GEMIN2: variants seen among roughly 807,000 people sequenced by gnomAD.
The protein encoded by GEMIN2 is gem nuclear organelle associated protein 2, also known as gem-associated protein 2.
In GEMIN2, 37 loss-of-function variants were observed where a neutral mutation model predicts 45.8. The observed-to-expected ratio is 0.81, with a 90% CI of 0.62 to 1.06. The LOEUF is 1.06. GEMIN2 is among the 50% of genes least tolerant of loss of function. The pLI, the probability that GEMIN2 is intolerant of heterozygous loss-of-function variation, is 0.00. For synonymous variants in GEMIN2, 101 were observed against 111.5 expected (o/e 0.91, Z 0.60); for missense variants, 335 against 321.8 (o/e 1.04, Z -0.31).
At chr14:39,118,952 T>G (rs2052545547) in intron 4 of GEMIN2, among the ~76,000 whole-genome samples, 1 of 151,944 alleles carries the variant, frequency 6.6e-6, no homozygotes, top group Admixed American at 6.6e-5. Context: ...TTGTTAAAAT[T>G]TTTTGTAGAG....
intron 6 of GEMIN2, among the ~76,000 whole-genome samples, chr14:39,127,735 G>T (rs879657463): frequency 6.6e-6 from 1 of 152,034 alleles, no homozygotes; most frequent in Non-Finnish European, 1.5e-5. Context: ...TTAAACCAAG[G>T]TGTTAGTTGA....
At chr14:39,129,348 A>G (rs1457043688) in intron 7 of GEMIN2, among the ~76,000 whole-genome samples, 3 of 152,164 alleles carry the variant, frequency 2.0e-5, no homozygotes, top group African/African-American at 4.8e-5. Flanking sequence ...TTCTCAGAAT[A>G]TATCTCCCTT....
rs35142656 is a variant in GEMIN2 at position 39,115,456 on chromosome 14, C to CTTTTTTTT, written c.222+555_222+562dup. ...AGAATAGAAACCCAGATGTCTTACACTTTTTTTTTTTTTTTTTTTGAGACA... is the reference window on the plus strand; with the variant it reads ...AGAATAGAAACCCAGATGTCTTACACTTTTTTTTTTTTTTTTTTTTTTTTTTTGAGACA... On this transcript the variant is annotated intron_variant, in intron 2 of 9. Transcript: ENST00000308317. 1.6e-5 allele frequency among the ~76,000 whole-genome samples: 2 copies of CTTTTTTTT among 123,840 alleles called. 1 individual carries two copies. Among genetic ancestry groups the CTTTTTTTT allele is most frequent in the Non-Finnish European group, 3.2e-5 (2 of 62,346 alleles). 81.2% of individuals were successfully genotyped at this position (123,840 alleles called of 152,430 possible). A position where few individuals can be genotyped will look rare whatever the true frequency, so the allele number is the denominator to read the frequency against.
intron 2 of GEMIN2, among the ~76,000 whole-genome samples, 160 bp downstream of exon 2, chr14:39,115,073 G>C (rs1048660146): frequency 6.6e-6 from 1 of 152,194 alleles, no homozygotes; most frequent in African/African-American, 2.4e-5. Flanking sequence ...AAGACAATTG[G>C]CATTTACTGC....
chr14:39,126,990 C>T (rs1424914778), intron 6 of GEMIN2, among the ~76,000 whole-genome samples: 1 of 151,934 alleles, frequency 6.6e-6, no homozygotes, highest in Non-Finnish European at 1.5e-5. Flanking sequence ...GTCTTTGTCT[C>T]CCGACCTTGT....
At chr14:39,121,877 T>TG (rs200666636) in intron 4 of GEMIN2, 30,561 of 164,286 alleles carry the variant, frequency 0.19, 3,599 homozygotes, top group Middle Eastern at 0.32. Context: ...CACATCCGGC[T>TG]AATTTTTTTT....
At chr14:39,123,035 A>G (rs545692261) in intron 5 of GEMIN2, among the ~76,000 whole-genome samples, 5 of 152,114 alleles carry the variant, frequency 3.3e-5, no homozygotes, top group Non-Finnish European at 7.4e-5. Context: ...CACATCTATC[A>G]CTTCATGGGC....
rs528686674 is a variant in GEMIN2 at position 39,131,416 on chromosome 14, C to T, written c.601-542C>T. The stretch of plus-strand genomic sequence containing the variant: ...TTTCTTGTGCTTGTGGTATTCTTCA[C>T]AGTTTTTCTGCATCAAATATGTATT... On this transcript the variant is annotated intron_variant, in intron 7 of 9. Coordinates refer to ENST00000308317, the MANE Select transcript of GEMIN2 (RefSeq NM_003616.3). Among the ~76,000 whole-genome samples the T allele has an allele frequency of 4.6e-5, 7 of 152,180 alleles. No individual in the cohort carries two copies. The South Asian group carries it at 8.3e-4, about 18-fold the overall frequency.
intron 9 of GEMIN2, among the ~76,000 whole-genome samples, chr14:39,135,377 G>A (rs1055120460): frequency 2.0e-5 from 3 of 152,082 alleles, no homozygotes; most frequent in African/African-American, 7.2e-5. Context: ...CCTTAAGTCA[G>A]GAGTTCAAGA....
chr14:39,116,908 G>A (rs752190721), intron 2 of GEMIN2, among the ~76,000 whole-genome samples: 19 of 152,096 alleles, frequency 1.2e-4, no homozygotes, highest in South Asian at 4.1e-4. Flanking sequence ...GTGCCACCGT[G>A]CCCAGCTAAT....
At chr14:39,123,638 T>C (rs1221825665) in intron 5 of GEMIN2, among the ~76,000 whole-genome samples, 11 of 144,202 alleles carry the variant, frequency 7.6e-5, no homozygotes, top group Admixed American at 5.7e-4. Flanking sequence ...ATATAACCAA[T>C]TGATCTTTTG....
chr14:39,128,490 T>TC lies in GEMIN2; in HGVS notation c.600+142_600+143insC, dbSNP rs1234861348. 3.9e-4 allele frequency: 162 copies of TC among 416,128 alleles called. 1 individual carries two copies. In the East Asian group the frequency reaches 5.3e-3, roughly 14 times the overall value. The allele number at this position is 416,128 out of a possible 1,614,324, so 25.8% of individuals were successfully genotyped here. A position where few individuals can be genotyped will look rare whatever the true frequency, so the allele number is the denominator to read the frequency against. ...ACATTTTCTTTTTTTCTTTTCTTTT[T>TC]TTTTTTTTTTTTTTTTTTGAGACAA... On this transcript the variant is annotated intron_variant, in intron 7 of 9. Coordinates refer to ENST00000308317, the MANE Select transcript of GEMIN2 (RefSeq NM_003616.3).
Position 39,136,775 on chromosome 14 carries a change from G to T in GEMIN2, c.*296G>T, listed in dbSNP as rs975293673. On this transcript the variant is annotated 3_prime_UTR_variant, in exon 10 of 10. Coordinates refer to ENST00000308317, the MANE Select transcript of GEMIN2 (RefSeq NM_003616.3). ...TTACATAGGTTCTTGGTGCTGTTTTGTTCTTTTTTTGTTTTTTGTTGTTTT... is the reference window on the plus strand; with the variant it reads ...TTACATAGGTTCTTGGTGCTGTTTTTTTCTTTTTTTGTTTTTTGTTGTTTT... 5 of 275,178 alleles carry T rather than the reference G, an allele frequency of 1.8e-5. No homozygotes were observed. Among genetic ancestry groups the T allele is most frequent in the Non-Finnish European group, 3.4e-5 (5 of 149,148 alleles). The allele number at this position is 275,178 out of a possible 1,614,324, so 17.0% of individuals were successfully genotyped here.
intron 9 of GEMIN2, among the ~76,000 whole-genome samples, chr14:39,134,972 T>C (rs1233742323): frequency 6.6e-6 from 1 of 151,586 alleles, no homozygotes; most frequent in Non-Finnish European, 1.5e-5. Flanking sequence ...AGTTGTGTTT[T>C]TGTTTTTGTT....
chr14:39,128,576 G>A (rs2052677240), intron 7 of GEMIN2, among the ~76,000 whole-genome samples: 2 of 124,996 alleles, frequency 1.6e-5, no homozygotes, highest in African/African-American at 6.2e-5. Flanking sequence ...CTGCAACCTT[G>A]ATCTCCCCAG....
intron 9 of GEMIN2, 110 bp from the exon 10 acceptor site, chr14:39,136,330 T>A: frequency 1.5e-6 from 1 of 663,850 alleles, no homozygotes; most frequent in Non-Finnish European, 2.7e-6. Context: ...ATAGCTTATT[T>A]AACCAGTTTC....
chr14:39,128,011 T>C (rs2052665642), intron 6 of GEMIN2, among the ~76,000 whole-genome samples: 1 of 130,726 alleles, frequency 7.6e-6, no homozygotes, highest in Non-Finnish European at 1.5e-5. Context: ...GAGGTTGCAG[T>C]GAGCCAAGAT....
intron 5 of GEMIN2, among the ~76,000 whole-genome samples, chr14:39,124,259 G>T (rs2052612972): frequency 6.6e-6 from 1 of 152,024 alleles, no homozygotes; most frequent in African/African-American, 2.4e-5. Flanking sequence ...ATCAAATTAG[G>T]TTTTAAAAAT....
intron 8 of GEMIN2, 66 bp from the exon 9 acceptor site, chr14:39,133,595 A>C: frequency 1.2e-6 from 1 of 855,874 alleles, no homozygotes; most frequent in Non-Finnish European, 1.8e-6. Context: ...TTACATCTTA[A>C]TAGAAAATTT....
Sources: gnomAD v4.1 joint callset for allele counts (sites outside exome capture counted in the v4.1 genomes callset) on GRCh38, gnomAD v4.1.1 for gene constraint, MANE v1.5 for transcripts, NCBI Gene and HGNC (gene_info 2026-07-23, HGNC 2026-07-21) for gene names.